GMDS: variants seen among roughly 807,000 people sequenced by gnomAD.
The protein encoded by GMDS is GDP-mannose 4,6 dehydratase.
In GMDS, 20 loss-of-function variants were observed where a neutral mutation model predicts 49.9. That is an observed-to-expected ratio of 0.40 (90% CI 0.28 to 0.58). The LOEUF (loss-of-function observed/expected upper bound fraction) is 0.58, where lower values mean the gene tolerates loss of function less well. Ranked by LOEUF, GMDS falls within the 20% of genes least tolerant of loss-of-function variation. GMDS has a pLI of 0.42. For missense variants in GMDS, 362 were observed against 481.4 expected (o/e 0.75, Z 2.32); for synonymous variants, 177 against 178.6 (o/e 0.99, Z 0.07).
intron 7 of GMDS, among the ~76,000 whole-genome samples, chr6:1,894,240 C>T (rs1204441002): frequency 6.6e-6 from 1 of 152,126 alleles, no homozygotes; most frequent in Non-Finnish European, 1.5e-5. Context: ...ACTCACACTT[C>T]TAATCTGATC....
intron 4 of GMDS, among the ~76,000 whole-genome samples, chr6:2,039,853 A>G (rs1046843961): frequency 6.6e-6 from 1 of 152,232 alleles, no homozygotes; most frequent in Non-Finnish European, 1.5e-5. Context: ...ATGAAAAAGT[A>G]TAATAAGCAC....
chr6:1,839,331 A>C (rs1360582571), intron 7 of GMDS, among the ~76,000 whole-genome samples: 1 of 152,200 alleles, frequency 6.6e-6, no homozygotes, highest in Non-Finnish European at 1.5e-5. Flanking sequence ...AACTGTAAGC[A>C]ATCATCCTCC....
chr6:2,185,568 T>C (rs1778743032), intron 1 of GMDS, among the ~76,000 whole-genome samples: 1 of 152,176 alleles, frequency 6.6e-6, no homozygotes, highest in Non-Finnish European at 1.5e-5. Flanking sequence ...TTTTACTCAT[T>C]TTCCACAGCT....
At chr6:2,058,678 G>A (rs565876759) in intron 4 of GMDS, among the ~76,000 whole-genome samples, 29 of 152,272 alleles carry the variant, frequency 1.9e-4, no homozygotes, top group Non-Finnish European at 3.2e-4. Flanking sequence ...AAGTCTAAGC[G>A]TGGAAGTCCA....
intron 1 of GMDS, among the ~76,000 whole-genome samples, chr6:2,218,213 GGAAAAGAAA>G (rs1319661152): frequency 6.6e-6 from 1 of 152,098 alleles, no homozygotes; most frequent in African/African-American, 2.4e-5. Flanking sequence ...GAGAAAAAGA[GGAAAAGAAA>G]GAGAAGAAAG....
At chr6:1,658,925 G>A (rs1372754334) in intron 9 of GMDS, among the ~76,000 whole-genome samples, 4 of 152,222 alleles carry the variant, frequency 2.6e-5, no homozygotes, top group African/African-American at 9.7e-5. Flanking sequence ...GCTGTGAGGG[G>A]CTGGAACTAC....
At chr6:1,818,961 G>A (rs1254374975) in intron 7 of GMDS, among the ~76,000 whole-genome samples, 1 of 151,744 alleles carries the variant, frequency 6.6e-6, no homozygotes, top group African/African-American at 2.4e-5. Flanking sequence ...ATTAGCAGTG[G>A]TCATACCTAA....
At chr6:1,735,452 C>T (rs186726623) in intron 8 of GMDS, among the ~76,000 whole-genome samples, 3 of 152,332 alleles carry the variant, frequency 2.0e-5, no homozygotes, top group East Asian at 3.9e-4. Context: ...CTAGCACAGA[C>T]TAGGTGGAGG....
intron 7 of GMDS, among the ~76,000 whole-genome samples, chr6:1,779,520 G>A (rs186431269): frequency 2.1e-4 from 32 of 152,228 alleles, no homozygotes; most frequent in East Asian, 1.9e-3. Context: ...TAGAGTCTGC[G>A]ATTTTCCAGC....
rs964886595 is a variant in GMDS at position 1,768,353 on chromosome 6, G to A, written c.772-25767C>T. The stretch of plus-strand genomic sequence containing the variant: ...GGATATGTTCAAAAAGTGCAAGGAT[G>A]ATGATTTCAGCATTTGCTTCTAAAA... On this transcript the variant is annotated intron_variant, in intron 7 of 10. Coordinates refer to ENST00000380815, the MANE Select transcript of GMDS (RefSeq NM_001500.4). 2.6e-5 allele frequency among the ~76,000 whole-genome samples: 4 copies of A among 152,214 alleles called. No individual in the cohort carries two copies. In the East Asian group the frequency reaches 5.8e-4, roughly 22 times the overall value.
intron 9 of GMDS, among the ~76,000 whole-genome samples, chr6:1,661,542 C>T (rs1030219738): frequency 6.6e-6 from 1 of 152,220 alleles, no homozygotes; most frequent in African/African-American, 2.4e-5. Context: ...TTTGGAAGCA[C>T]CTGATCCAGC....
chr6:1,715,786 T>C (rs1027482633), intron 9 of GMDS, among the ~76,000 whole-genome samples: 2 of 152,250 alleles, frequency 1.3e-5, no homozygotes, highest in Non-Finnish European at 2.9e-5. Context: ...TAGGACATAT[T>C]CAAACTACCA....
rs966588463 is a variant in GMDS at position 1,999,638 on chromosome 6, C to A, written c.346-38672G>T. 2.1e-4 allele frequency among the ~76,000 whole-genome samples: 31 copies of A among 150,106 alleles called. No homozygotes were observed. The East Asian group carries it at 2.4e-3, about 11-fold the overall frequency. On this transcript the variant is annotated intron_variant, in intron 4 of 10. Coordinates refer to ENST00000380815, the MANE Select transcript of GMDS (RefSeq NM_001500.4). ...AATATAGTTTTAAAAAAATTAGATC[C>A]ATTAGAGACATCAGAAACATAAAAA... is the stretch of plus-strand genomic sequence containing the variant.
chr6:1,834,692 T>G (rs1756842421), intron 7 of GMDS, among the ~76,000 whole-genome samples: 1 of 152,206 alleles, frequency 6.6e-6, no homozygotes. Context: ...AAACTATAAC[T>G]TATTAAACTA....
chr6:1,937,935 G>A (rs1291183744), intron 6 of GMDS, among the ~76,000 whole-genome samples: 1 of 152,168 alleles, frequency 6.6e-6, no homozygotes, highest in Non-Finnish European at 1.5e-5. Flanking sequence ...CACATTGGGA[G>A]GTGGGAGGAT....
chr6:2,236,004 C>T (rs551625574), intron 1 of GMDS, among the ~76,000 whole-genome samples: 2 of 152,278 alleles, frequency 1.3e-5, no homozygotes, highest in East Asian at 3.9e-4. Flanking sequence ...CTGTACAGGA[C>T]ATCTGTAGAT....
chr6:2,095,648 C>T (rs900262320), intron 4 of GMDS, among the ~76,000 whole-genome samples: 2 of 152,096 alleles, frequency 1.3e-5, no homozygotes, highest in Non-Finnish European at 2.9e-5. Flanking sequence ...GTGTTTCTTG[C>T]AAATGTGATG....
chr6:1,627,505 A>G (rs1762879500), intron 9 of GMDS, among the ~76,000 whole-genome samples: 1 of 152,234 alleles, frequency 6.6e-6, no homozygotes, highest in Non-Finnish European at 1.5e-5. Flanking sequence ...GGGCCATGAT[A>G]CACGTCCCTT....
chr6:2,163,985 T>G (rs1008638426), intron 1 of GMDS, among the ~76,000 whole-genome samples: 6 of 152,202 alleles, frequency 3.9e-5, no homozygotes, highest in African/African-American at 1.4e-4. Flanking sequence ...TAACGACAAA[T>G]CTACTCTAAC....
Sources: gnomAD v4.1 joint callset for allele counts (sites outside exome capture counted in the v4.1 genomes callset) on GRCh38, gnomAD v4.1.1 for gene constraint, MANE v1.5 for transcripts, NCBI Gene and HGNC (gene_info 2026-07-23, HGNC 2026-07-21) for gene names.